Variants in PAPLN observed in about 807,000 individuals in gnomAD.
The protein encoded by PAPLN is papilin, proteoglycan like sulfated glycoprotein, also known as papilin.
A neutral mutation model predicts 159.0 loss-of-function variants in PAPLN; 146 were observed. The observed-to-expected ratio is 0.92, with a 90% CI of 0.80 to 1.05. PAPLN has a LOEUF of 1.05. Ranked by LOEUF, PAPLN falls within the 50% of genes least tolerant of loss-of-function variation. The pLI is 0.00. For synonymous variants in PAPLN, 734 were observed against 702.9 expected (o/e 1.04, Z -0.70); for missense variants, 1,720 against 1,743.9 (o/e 0.99, Z 0.24).
At chr14:73,264,755 T>TC in intron 22 of PAPLN, 29 bp downstream of exon 22, 1 of 1,609,432 alleles carries the variant, frequency 6.2e-7, no homozygotes, top group South Asian at 1.1e-5. Context: ...CATCTTGCCC[T>TC]CCCCCACGCC....
At chr14:73,252,945 G>T (rs1885463848) in intron 11 of PAPLN, among the ~76,000 whole-genome samples, 170 bp downstream of exon 11, 1 of 152,226 alleles carries the variant, frequency 6.6e-6, no homozygotes, top group African/African-American at 2.4e-5. Flanking sequence ...GGGAGGCAGA[G>T]AATAGGCCTG....
At chr14:73,254,826 G>A (rs764036292) in intron 13 of PAPLN, 51 bp from the exon 14 acceptor site, 23 of 1,602,046 alleles carry the variant, frequency 1.4e-5, no homozygotes, top group Non-Finnish European at 1.5e-5. Context: ...GTGGGTCCCC[G>A]CCCCCAGCCT....
At chr14:73,242,846 G>C (rs932567783) in intron 2 of PAPLN, 4 of 152,226 alleles carry the variant, frequency 2.6e-5, no homozygotes, top group African/African-American at 9.7e-5. Flanking sequence ...TTTGTGCGTG[G>C]TTTGTTCTGC....
chr14:73,254,670 C>A lies in PAPLN; in HGVS notation c.1460C>A (p.Ala487Asp). The A allele has an allele frequency of 6.2e-7, 1 of 1,613,902 alleles. No individual in the cohort carries two copies. The highest frequency in any genetic ancestry group is 2.2e-5 in the East Asian group (1 of 44,890). ...GACTGCCCCCTCCTCAGTGACCAGG[C>A]CTGGCATGTTGGCACCTGGGGTCTA... ...HEDCPLLSDQ[A>D]WHVGTWGLCS... is the part of the protein sequence containing the mutation. The change falls in exon 13 of 27, where the codon GCC (alanine) becomes GAC (aspartate). Residue 487 changes from alanine to aspartate, a missense_variant. Physicochemically the swap from Ala to Asp is moderately radical, Grantham distance 126. Coordinates refer to ENST00000644200, the MANE Select transcript of PAPLN (RefSeq NM_001365906.3).
chr14:73,241,264 T>C (rs1193555256), intron 2 of PAPLN, among the ~76,000 whole-genome samples: 2 of 152,154 alleles, frequency 1.3e-5, no homozygotes, highest in Non-Finnish European at 2.9e-5. Flanking sequence ...TGCCACCCCA[T>C]GAATCTTGCT....
Position 73,264,231 on chromosome 14 carries a change from G to T in PAPLN, c.2882G>T (p.Gly961Val). Residue 961 changes from glycine (G) to valine (V), a missense_variant, in exon 21 of 27, where the codon GGA (glycine) becomes GTA (valine). Coordinates refer to ENST00000644200, the MANE Select transcript of PAPLN (RefSeq NM_001365906.3). Reference protein sequence around the residue: ...SSDRHRLQFDGSLIIHPLQAE... With the variant: ...SSDRHRLQFDVSLIIHPLQAE... ...CTCAGGCACAGGCTGCAGTTCGACG[G>T]ATCCCTGATCATCCACCCCCTGCAG... 1 of 1,613,908 alleles carries T rather than the reference G, an allele frequency of 6.2e-7. No individual in the cohort carries two copies. The highest frequency in any genetic ancestry group is 8.5e-7 in the Non-Finnish European group (1 of 1,180,002).
At position 73,253,811 on chromosome 14, in the gene PAPLN, C is replaced by T. The variant is rs1452881991; in HGVS notation, c.1152C>T (p.Ser384=). The change falls in exon 12 of 27, where the codon TCC becomes TCT. Residue 384 remains serine (S), a synonymous_variant. Transcript: ENST00000644200. ...CCTCCTGTGGAGGAGGCTCCCAGTC[C>T]CGCTCCGTGTACTGCATCTCGTCTG... ...CSASCGGGSQ[S]RSVYCISSDG... is the part of the protein sequence containing the mutation. 2 of 1,613,266 alleles carry T rather than the reference C, an allele frequency of 1.2e-6. No homozygotes were observed. The highest frequency in any genetic ancestry group is 1.7e-6 in the Non-Finnish European group (2 of 1,179,726).
At chr14:73,263,076 G>C (rs12880103) in intron 19 of PAPLN, 73,733 of 413,082 alleles carry the variant, frequency 0.18, 6,900 homozygotes, top group South Asian at 0.27. Flanking sequence ...TTCTCCATCA[G>C]ATCTCGCCAG....
chr14:73,268,210 G>A (rs1281547367), intron 25 of PAPLN, among the ~76,000 whole-genome samples: 1 of 151,882 alleles, frequency 6.6e-6, no homozygotes, highest in Non-Finnish European at 1.5e-5. Context: ...CATGCACTTC[G>A]CTGCGTCAGT....
chr14:73,253,130 G>A (rs772687730), intron 11 of PAPLN: 4 of 1,391,802 alleles, frequency 2.9e-6, no homozygotes, highest in Non-Finnish European at 3.8e-6. Flanking sequence ...GGGCCTGTTG[G>A]CATCGGCCAT....
intron 2 of PAPLN, chr14:73,244,373 G>A (rs1883948822): frequency 2.6e-6 from 1 of 381,394 alleles, no homozygotes; most frequent in Non-Finnish European, 4.8e-6. Flanking sequence ...CCCTCCAGTG[G>A]CCCCTGAAAC....
chr14:73,246,277 TATTA>T, intron 5 of PAPLN, 102 bp downstream of exon 5: 1 of 983,278 alleles, frequency 1.0e-6, no homozygotes, highest in East Asian at 3.2e-5. Flanking sequence ...TATATATATA[TATTA>T]GAGACAGTCT....
chr14:73,250,177 C>A, intron 6 of PAPLN, 63 bp downstream of exon 6: 1 of 1,501,176 alleles, frequency 6.7e-7, no homozygotes. Flanking sequence ...CGGGTGTTTC[C>A]CTGTCCATCA....
chr14:73,258,242 C>T (rs1185915817), intron 14 of PAPLN, among the ~76,000 whole-genome samples: 1 of 152,032 alleles, frequency 6.6e-6, no homozygotes, highest in African/African-American at 2.4e-5. Context: ...GAAGCAGGAC[C>T]TCATTGTGGT....
chr14:73,248,234 A>T, intron 5 of PAPLN, among the ~76,000 whole-genome samples: 2 of 113,306 alleles, frequency 1.8e-5, no homozygotes, highest in Non-Finnish European at 3.6e-5. Flanking sequence ...GCCCAGTGGG[A>T]GTCTCATATC....
chr14:73,263,081 C>T (rs1263847811), intron 19 of PAPLN: 4 of 411,732 alleles, frequency 9.7e-6, no homozygotes, highest in Admixed American at 4.0e-5. Context: ...CATCAGATCT[C>T]GCCAGTATAC....
Position 73,272,849 on chromosome 14 carries a change from C to A in PAPLN, c.*185C>A. Reference sequence around the variant, plus strand: ...GCCAGTTACCAGCTTCTCTCTGTAGCCTTCAGCAGTGTTTGCATCTCTGAC... The same window carrying A: ...GCCAGTTACCAGCTTCTCTCTGTAGACTTCAGCAGTGTTTGCATCTCTGAC... On this transcript the variant is annotated 3_prime_UTR_variant, in exon 27 of 27. Transcript: ENST00000644200. 2.0e-6 allele frequency: 1 copy of A among 493,174 alleles called. No individual in the cohort carries two copies. The highest frequency in any genetic ancestry group is 3.3e-6 in the Non-Finnish European group (1 of 304,436). The allele number at this position is 493,174 out of a possible 1,614,324, so 30.5% of individuals were successfully genotyped here.
chr14:73,266,198 C>T lies in PAPLN; in HGVS notation c.3264-303C>T, dbSNP rs60084969. ...TACTAAAAATACAAAAATAGCCAGGCGTGGTGGCACATGCCTGTAATCCCA... is the reference window on the plus strand; with the variant it reads ...TACTAAAAATACAAAAATAGCCAGGTGTGGTGGCACATGCCTGTAATCCCA... On this transcript the variant is annotated intron_variant, in intron 23 of 26. Transcript: ENST00000644200. 7.6e-3 allele frequency among the ~76,000 whole-genome samples: 1,159 copies of T among 152,158 alleles called. 16 individuals carry two copies. The highest frequency in any genetic ancestry group is 0.026 in the African/African-American group (1,081 of 41,492).
intron 26 of PAPLN, among the ~76,000 whole-genome samples, chr14:73,269,295 GTTT>G (rs34074114): frequency 1.3e-5 from 2 of 148,374 alleles, no homozygotes; most frequent in Admixed American, 6.7e-5. Context: ...GACTCCCCAT[GTTT>G]TTTTTTTTTT....
Sources: gnomAD v4.1 joint callset for allele counts (sites outside exome capture counted in the v4.1 genomes callset) on GRCh38, gnomAD v4.1.1 for gene constraint, MANE v1.5 for transcripts, NCBI Gene and HGNC (gene_info 2026-07-23, HGNC 2026-07-21) for gene names.